Variants in C4orf17 observed in about 807,000 individuals in gnomAD.
The protein encoded by C4orf17 is uncharacterized protein C4orf17.
A neutral mutation model predicts 32.0 loss-of-function variants in C4orf17; 25 were observed. The ratio of observed to expected loss-of-function variants is 0.78; its 90% confidence interval spans 0.57 to 1.09. C4orf17 has a LOEUF of 1.09. C4orf17 is among the 50% of genes least tolerant of loss of function. The pLI, the probability that C4orf17 is intolerant of heterozygous loss-of-function variation, is 0.00. For missense variants in C4orf17, 420 were observed against 420.0 expected (o/e 1.00, Z 0.00); for synonymous variants, 149 against 145.8 (o/e 1.02, Z -0.16).
chr4:99,527,739 C>A (rs1327175653), intron 4 of C4orf17, among the ~76,000 whole-genome samples: 1 of 152,156 alleles, frequency 6.6e-6, no homozygotes, highest in Non-Finnish European at 1.5e-5. Flanking sequence ...GATTTGGGGA[C>A]CCTCGTTCTA....
chr4:99,520,887 T>G (rs898293309), intron 2 of C4orf17, among the ~76,000 whole-genome samples: 1 of 152,244 alleles, frequency 6.6e-6, no homozygotes, highest in Non-Finnish European at 1.5e-5. Context: ...GTAAGTTAAA[T>G]AAATTATACT....
intron 1 of C4orf17, among the ~76,000 whole-genome samples, chr4:99,511,555 C>T (rs113227503): frequency 1.3e-5 from 2 of 151,794 alleles, no homozygotes; most frequent in African/African-American, 2.4e-5. Flanking sequence ...AATAGACAAA[C>T]AGACTGAAAT....
At chr4:99,526,920 T>C (rs555547401) in intron 4 of C4orf17, among the ~76,000 whole-genome samples, 2 of 152,080 alleles carry the variant, frequency 1.3e-5, no homozygotes, top group Admixed American at 6.6e-5. Context: ...TCATTGAGTA[T>C]CTCTATTGTT....
Position 99,542,112 on chromosome 4 carries a change from G to C in C4orf17, c.*3G>C. ...ATCCTTCAACACACCGGAGGTAGAAGTTCTAGACTGGGTGAATTCTTTCAT... is the reference window on the plus strand; with the variant it reads ...ATCCTTCAACACACCGGAGGTAGAACTTCTAGACTGGGTGAATTCTTTCAT... On this transcript the variant is annotated 3_prime_UTR_variant, in exon 9 of 9. Coordinates refer to ENST00000326581, the MANE Select transcript of C4orf17 (RefSeq NM_032149.3). The C allele has an allele frequency of 6.2e-7, 1 of 1,610,728 alleles. No individual in the cohort carries two copies. Among genetic ancestry groups the C allele is most frequent in the East Asian group, 2.2e-5 (1 of 44,832 alleles).
intron 4 of C4orf17, among the ~76,000 whole-genome samples, chr4:99,525,686 T>G (rs1195230231): frequency 6.6e-6 from 1 of 151,450 alleles, no homozygotes; most frequent in African/African-American, 2.4e-5. Context: ...TCCCAGCTAC[T>G]GGGAGGCTGA....
At chr4:99,540,366 T>C (rs753598985) in intron 7 of C4orf17, 46 bp from the exon 8 acceptor site, 2 of 1,452,120 alleles carry the variant, frequency 1.4e-6, no homozygotes, top group Non-Finnish European at 1.9e-6. Flanking sequence ...GAAAATACTT[T>C]TTTGTATCTG....
At chr4:99,515,549 G>T (rs1004554153) in intron 2 of C4orf17, among the ~76,000 whole-genome samples, 1 of 152,082 alleles carries the variant, frequency 6.6e-6, no homozygotes, top group Non-Finnish European at 1.5e-5. Flanking sequence ...CATTCAGAGG[G>T]TGGAGACTGG....
intron 4 of C4orf17, among the ~76,000 whole-genome samples, chr4:99,525,010 C>CAAT (rs1267843411): frequency 6.6e-6 from 1 of 152,194 alleles, no homozygotes; most frequent in Non-Finnish European, 1.5e-5. Context: ...TTATGTGCAT[C>CAAT]AATAGTTCAT....
chr4:99,525,100 A>T (rs573088175), intron 4 of C4orf17, among the ~76,000 whole-genome samples: 2 of 152,300 alleles, frequency 1.3e-5, no homozygotes, highest in East Asian at 3.9e-4. Flanking sequence ...AGGGACATTT[A>T]GGTCCTTCCC....
intron 4 of C4orf17, among the ~76,000 whole-genome samples, chr4:99,527,343 T>C (rs1387916170): frequency 6.6e-6 from 1 of 152,224 alleles, no homozygotes; most frequent in African/African-American, 2.4e-5. Context: ...AAATTTTTCA[T>C]GTACCCATGA....
intron 8 of C4orf17, 61 bp downstream of exon 8, chr4:99,540,516 C>T: frequency 1.9e-6 from 2 of 1,046,838 alleles, no homozygotes; most frequent in East Asian, 2.4e-5. Context: ...GTACTAATGA[C>T]TCAGGGAACA....
intron 5 of C4orf17, chr4:99,535,973 C>T (rs1471411875): frequency 1.3e-5 from 6 of 450,218 alleles, no homozygotes; most frequent in Non-Finnish European, 2.7e-5. Flanking sequence ...GGCCACTCTT[C>T]TGTAGGGCTG....
chr4:99,541,775 T>G (rs879283098), intron 8 of C4orf17, 135 bp from the exon 9 acceptor site: 2 of 660,528 alleles, frequency 3.0e-6, no homozygotes, highest in Non-Finnish European at 5.3e-6. Flanking sequence ...GAATATATTC[T>G]TTTGTGAATT....
chr4:99,541,081 A>C (rs779899299), intron 8 of C4orf17: 1 of 152,274 alleles, frequency 6.6e-6, no homozygotes, highest in Non-Finnish European at 1.5e-5. Context: ...AGCAACAACT[A>C]TGAAGTGTAT....
Position 99,529,797 on chromosome 4 carries a change from A to C in C4orf17, c.403-18A>C. The C allele has an allele frequency of 6.3e-7, 1 of 1,595,608 alleles. No homozygotes were observed. The highest frequency in any genetic ancestry group is 8.5e-7 in the Non-Finnish European group (1 of 1,171,384). On this transcript the variant is annotated intron_variant, in intron 4 of 8. Coordinates refer to ENST00000326581, the MANE Select transcript of C4orf17 (RefSeq NM_032149.3). ...GTGGATGCAAATGTATATTGGTTAT[A>C]TTATACTTTTGATTTAGGAAGAAAT...
At chr4:99,519,982 A>G (rs1042342175) in intron 2 of C4orf17, among the ~76,000 whole-genome samples, 1 of 152,186 alleles carries the variant, frequency 6.6e-6, no homozygotes, top group African/African-American at 2.4e-5. Flanking sequence ...AACAGATGTC[A>G]CTGTAAAGAA....
intron 3 of C4orf17, among the ~76,000 whole-genome samples, chr4:99,523,679 G>C (rs2110168784): frequency 6.6e-6 from 1 of 152,240 alleles, no homozygotes; most frequent in East Asian, 1.9e-4. Context: ...TTCTATAGCA[G>C]ATGTGGGAAA....
chr4:99,517,568 T>C (rs910696541), intron 2 of C4orf17, among the ~76,000 whole-genome samples: 2 of 97,764 alleles, frequency 2.0e-5, no homozygotes, highest in East Asian at 5.0e-4. Flanking sequence ...TCTCTTTCTT[T>C]CTTCACCTTT....
chr4:99,527,333 A>G (rs1454354596), intron 4 of C4orf17, among the ~76,000 whole-genome samples: 2 of 152,208 alleles, frequency 1.3e-5, no homozygotes. Context: ...TGACTTTAAT[A>G]AATTTTTCAT....
Sources: allele counts gnomAD v4.1 joint callset (sites outside exome capture counted in the v4.1 genomes callset), GRCh38; gene constraint gnomAD v4.1.1; transcripts MANE v1.5; gene names NCBI Gene and HGNC (gene_info 2026-07-23, HGNC 2026-07-21).